Variants in LMX1B observed in about 807,000 individuals in gnomAD.
LMX1B encodes the protein LIM homeobox transcription factor 1 beta, also known as LIM homeobox transcription factor 1-beta.
LMX1B carries 12 observed loss-of-function variants against 51.4 expected under a neutral mutation model. The observed-to-expected ratio is 0.23, with a 90% confidence interval of 0.15 to 0.38. The LOEUF (loss-of-function observed/expected upper bound fraction) is 0.38, where lower values mean the gene tolerates loss of function less well. Ranked by LOEUF, LMX1B falls within the 10% of genes least tolerant of loss-of-function variation. LMX1B has a pLI of 1.00. For missense variants in LMX1B, 445 were observed against 571.1 expected (o/e 0.78, Z 2.25); for synonymous variants, 237 against 235.4 (o/e 1.01, Z -0.06).
intron 2 of LMX1B, among the ~76,000 whole-genome samples, chr9:126,644,496 G>A (rs142151051): frequency 4.6e-5 from 7 of 152,208 alleles, no homozygotes; most frequent in African/African-American, 7.2e-5. Context: ...CGCCCTTCCC[G>A]CAGCCTTAGG....
intron 2 of LMX1B, among the ~76,000 whole-genome samples, chr9:126,629,115 A>G (rs1330401224): frequency 6.6e-6 from 1 of 152,192 alleles, no homozygotes; most frequent in African/African-American, 2.4e-5. Context: ...CAAGCCCAGC[A>G]GGCTGGGTGC....
At chr9:126,636,989 A>C (rs1445496481) in intron 2 of LMX1B, among the ~76,000 whole-genome samples, 1 of 152,202 alleles carries the variant, frequency 6.6e-6, no homozygotes, top group African/African-American at 2.4e-5. Context: ...GCAAGAGGGT[A>C]GGCAGCGGTT....
intron 2 of LMX1B, among the ~76,000 whole-genome samples, chr9:126,663,168 T>C (rs1177063173): frequency 6.6e-6 from 1 of 152,108 alleles, no homozygotes; most frequent in African/African-American, 2.4e-5. Flanking sequence ...GGCTCACACC[T>C]GTAATCACAG....
intron 3 of LMX1B, among the ~76,000 whole-genome samples, chr9:126,692,553 G>A (rs1373329199): frequency 6.6e-6 from 1 of 152,254 alleles, no homozygotes; most frequent in East Asian, 1.9e-4. Flanking sequence ...GGGCCCATGT[G>A]TGTGAATACG....
At chr9:126,614,716 A>AC in intron 1 of LMX1B, 128 bp downstream of exon 1, 1 of 1,081,388 alleles carries the variant, frequency 9.2e-7, no homozygotes, top group South Asian at 1.9e-5. Flanking sequence ...GGAGGCAGAG[A>AC]CAGGACTCCT....
chr9:126,690,007 G>A (rs949753973), intron 2 of LMX1B, among the ~76,000 whole-genome samples: 9 of 152,198 alleles, frequency 5.9e-5, no homozygotes, highest in Admixed American at 5.9e-4. Flanking sequence ...AGCTGAGACG[G>A]AGGGATGGGA....
rs556649702 is a variant in LMX1B at position 126,615,682 on chromosome 9, C to T, written c.326+113C>T. The T allele has an allele frequency of 2.9e-5, 29 of 987,604 alleles. 1 individual carries two copies. The East Asian group carries it at 3.3e-4, about 11-fold the overall frequency. 61.2% of individuals were successfully genotyped at this position (987,604 alleles called of 1,614,324 possible). A position where few individuals can be genotyped will look rare whatever the true frequency, so the allele number is the denominator to read the frequency against. ...CCGCCGGCTCTGTGCGCGGCTGGGCCGGGCAGCTCCAAGGGTTCCGAGAGC... is the reference window on the plus strand; with the variant it reads ...CCGCCGGCTCTGTGCGCGGCTGGGCTGGGCAGCTCCAAGGGTTCCGAGAGC... On this transcript the variant is annotated intron_variant, in intron 2 of 7. Coordinates refer to ENST00000373474, the MANE Select transcript of LMX1B (RefSeq NM_001174147.2). The surrounding 1 kb of genome is among the most constrained non-coding windows in gnomAD (Gnocchi z 6.0).
chr9:126,637,188 TGG>T (rs1835729718), intron 2 of LMX1B, among the ~76,000 whole-genome samples: 1 of 152,246 alleles, frequency 6.6e-6, no homozygotes, highest in Admixed American at 6.5e-5. Context: ...CACTGTGCTC[TGG>T]AACCGGCAGC....
intron 2 of LMX1B, among the ~76,000 whole-genome samples, chr9:126,668,545 C>G (rs1836389024): frequency 6.6e-6 from 1 of 151,998 alleles, no homozygotes; most frequent in Non-Finnish European, 1.5e-5. Flanking sequence ...CCTCTGTCTT[C>G]TGAGTTCAAG....
intron 2 of LMX1B, among the ~76,000 whole-genome samples, chr9:126,656,746 G>A (rs3902840): frequency 0.085 from 13,005 of 152,236 alleles, 957 homozygotes; most frequent in East Asian, 0.37. Context: ...TTGATGTGGT[G>A]GGTCAGCTCA....
chr9:126,621,182 G>T (rs1418858296), intron 2 of LMX1B, among the ~76,000 whole-genome samples: 1 of 152,226 alleles, frequency 6.6e-6, no homozygotes, highest in Non-Finnish European at 1.5e-5. Context: ...TCACCGACAT[G>T]AGTTATAACT....
chr9:126,659,978 AG>A (rs1350736104), intron 2 of LMX1B, among the ~76,000 whole-genome samples: 2 of 137,458 alleles, frequency 1.5e-5, no homozygotes, highest in Admixed American at 1.4e-4. Context: ...CTGGCTTCAA[AG>A]GTTGTCCTGT....
chr9:126,683,086 G>T (rs529893890), intron 2 of LMX1B, among the ~76,000 whole-genome samples: 1 of 151,266 alleles, frequency 6.6e-6, no homozygotes, highest in African/African-American at 2.4e-5. Context: ...GCGGATCAAA[G>T]GGCCGAGGGG....
At position 126,658,357 on chromosome 9, in the gene LMX1B, G is replaced by A. The variant is rs7857133; in HGVS notation, c.327-32479G>A. 0.46 allele frequency among the ~76,000 whole-genome samples: 69,998 copies of A among 151,790 alleles called. 17,245 individuals are homozygous for A. Among genetic ancestry groups the A allele is most frequent in the African/African-American group, 0.57 (23,489 of 41,358 alleles). ...GTGGGGAGTGGGTAACAGCAAGCCAGCCTCAAATTCGGCTGGCCCTCCCCC... is the reference window on the plus strand; with the variant it reads ...GTGGGGAGTGGGTAACAGCAAGCCAACCTCAAATTCGGCTGGCCCTCCCCC... On this transcript the variant is annotated intron_variant, in intron 2 of 7. Coordinates refer to ENST00000373474, the MANE Select transcript of LMX1B (RefSeq NM_001174147.2). This position sits in a 1 kb window ranked among gnomAD's most constrained non-coding sequence, Gnocchi z 4.0.
At position 126,677,786 on chromosome 9, in the gene LMX1B, C is replaced by T. The variant is rs1836593352; in HGVS notation, c.327-13050C>T. Among the ~76,000 whole-genome samples the T allele has an allele frequency of 6.6e-6, 1 of 152,180 alleles. No homozygotes were observed. The highest frequency in any genetic ancestry group is 2.4e-5 in the African/African-American group (1 of 41,436). On this transcript the variant is annotated intron_variant, in intron 2 of 7. Transcript: ENST00000373474. The surrounding 1 kb of genome is among the most constrained non-coding windows in gnomAD (Gnocchi z 5.0). ...TTCGAGCAGGAGCACAGGGCATGTA[C>T]TCAGGGCATTGCGGGGAGGAGGAAG...
At chr9:126,660,857 A>G (rs956627201) in intron 2 of LMX1B, among the ~76,000 whole-genome samples, 1 of 152,106 alleles carries the variant, frequency 6.6e-6, no homozygotes, top group African/African-American at 2.4e-5. Context: ...CTTGGGTTGG[A>G]CTCAACACAA....
At chr9:126,661,613 C>T (rs1836247801) in intron 2 of LMX1B, among the ~76,000 whole-genome samples, 1 of 152,186 alleles carries the variant, frequency 6.6e-6, no homozygotes, top group Non-Finnish European at 1.5e-5. Flanking sequence ...TGCCCCAGCT[C>T]AGCTGGGCCA....
chr9:126,623,913 A>T (rs988930336), intron 2 of LMX1B, among the ~76,000 whole-genome samples: 23 of 151,616 alleles, frequency 1.5e-4, no homozygotes, highest in Admixed American at 6.6e-5. Context: ...CTCCAGGCCC[A>T]CCTCTCGGCG....
At chr9:126,685,183 G>A (rs1360882799) in intron 2 of LMX1B, among the ~76,000 whole-genome samples, 2 of 152,290 alleles carry the variant, frequency 1.3e-5, no homozygotes, top group Admixed American at 1.3e-4. Context: ...CTTCAAGGAT[G>A]AAGAGGAGTT....
Sources: allele counts gnomAD v4.1 joint callset (sites outside exome capture counted in the v4.1 genomes callset), GRCh38; gene constraint gnomAD v4.1.1; non-coding constraint Gnocchi (gnomAD v3.1); transcripts MANE v1.5; gene names NCBI Gene and HGNC (gene_info 2026-07-23, HGNC 2026-07-21).